The following SND1 variants were observed in gnomAD, a reference collection of about 807,000 sequenced individuals.
The protein encoded by SND1 is staphylococcal nuclease and tudor domain containing 1.
SND1 carries 38 observed loss-of-function variants against 121.7 expected under a neutral mutation model. That is an observed-to-expected ratio of 0.31 (90% CI 0.24 to 0.41). The LOEUF (loss-of-function observed/expected upper bound fraction) is 0.41. Among genes scored for constraint, SND1 ranks in the 10% least tolerant of loss-of-function variants. The pLI, the probability that SND1 is intolerant of heterozygous loss-of-function variation, is 1.00. For synonymous variants in SND1, 401 were observed against 447.4 expected (o/e 0.90, Z 1.31); for missense variants, 868 against 1,184.6 (o/e 0.73, Z 3.92).
intron 12 of SND1, among the ~76,000 whole-genome samples, chr7:127,881,853 A>G (rs931522997): frequency 3.6e-4 from 55 of 152,238 alleles, no homozygotes; most frequent in African/African-American, 1.3e-3. Flanking sequence ...GGCTCACTGT[A>G]GCCTTGATCT....
intron 16 of SND1, chr7:128,028,612 T>G: frequency 6.9e-7 from 1 of 1,451,862 alleles, no homozygotes; most frequent in East Asian, 2.3e-5. Flanking sequence ...CTCTCCCCAC[T>G]CTGTACAAAA....
intron 12 of SND1, among the ~76,000 whole-genome samples, chr7:127,846,193 T>C (rs577309232): frequency 1.3e-5 from 2 of 152,360 alleles, no homozygotes; most frequent in East Asian, 3.9e-4. Flanking sequence ...GTGCCAGAGA[T>C]AATGAACTTG....
At chr7:127,682,959 G>A (rs1181792338) in intron 1 of SND1, among the ~76,000 whole-genome samples, 2 of 152,194 alleles carry the variant, frequency 1.3e-5, no homozygotes, top group Non-Finnish European at 2.9e-5. Context: ...GGTGCCATAT[G>A]ACATATAAAT....
intron 12 of SND1, among the ~76,000 whole-genome samples, chr7:127,863,205 C>G (rs965382404): frequency 6.6e-6 from 1 of 152,114 alleles, no homozygotes; most frequent in East Asian, 1.9e-4. Flanking sequence ...TTCATTTTTT[C>G]CCCACAAAAC....
chr7:127,875,071 T>G (rs954350244), intron 12 of SND1, among the ~76,000 whole-genome samples: 9 of 152,138 alleles, frequency 5.9e-5, no homozygotes, highest in African/African-American at 1.9e-4. Context: ...ATTAAAAAAT[T>G]TCCTTGGTTT....
At chr7:127,970,135 C>T (rs1403171826) in intron 15 of SND1, among the ~76,000 whole-genome samples, 1 of 152,086 alleles carries the variant, frequency 6.6e-6, no homozygotes, top group Non-Finnish European at 1.5e-5. Flanking sequence ...ACAGCTATTT[C>T]CTATGTTTTT....
At chr7:127,895,559 C>T (rs752680459) in intron 13 of SND1, among the ~76,000 whole-genome samples, 3 of 151,968 alleles carry the variant, frequency 2.0e-5, no homozygotes, top group Admixed American at 6.6e-5. Context: ...GGATTCAGCA[C>T]GTGTCATTAT....
intron 13 of SND1, among the ~76,000 whole-genome samples, chr7:127,893,604 G>C (rs962497844): frequency 1.3e-5 from 2 of 152,128 alleles, no homozygotes; most frequent in South Asian, 4.1e-4. Flanking sequence ...GAACAACCTA[G>C]TGTCTGAGCA....
chr7:127,961,028 C>G (rs1203702155), intron 15 of SND1, among the ~76,000 whole-genome samples: 1 of 152,190 alleles, frequency 6.6e-6, no homozygotes, highest in Admixed American at 6.5e-5. Flanking sequence ...GCCTCAAACC[C>G]TAACAAAGTC....
chr7:128,022,204 C>CAAAAAA (rs58371490), intron 16 of SND1, among the ~76,000 whole-genome samples: 2 of 74,132 alleles, frequency 2.7e-5, no homozygotes, highest in Admixed American at 1.6e-4. Flanking sequence ...GACTCTCTCT[C>CAAAAAA]AAAAAAAAAA....
At chr7:127,857,676 T>C (rs1799306045) in intron 12 of SND1, among the ~76,000 whole-genome samples, 1 of 151,336 alleles carries the variant, frequency 6.6e-6, no homozygotes. Flanking sequence ...TGTGGAGAGG[T>C]TCCCTCGCTT....
chr7:127,880,804 AG>A (rs1799776350), intron 12 of SND1, among the ~76,000 whole-genome samples: 1 of 152,088 alleles, frequency 6.6e-6, no homozygotes, highest in Non-Finnish European at 1.5e-5. Context: ...GATACCCCAC[AG>A]GGTGACATTT....
At position 127,725,989 on chromosome 7, in the gene SND1, G is replaced by A. The variant is rs537209034; in HGVS notation, c.1152+4589G>A. ...CAACTCTACATTTGGAGGGTAGTAG[G>A]GCAAATTGTTTTTTTCTGTTTTGTA... is the stretch of plus-strand genomic sequence containing the variant. On this transcript the variant is annotated intron_variant, in intron 10 of 23. Coordinates refer to ENST00000354725, the MANE Select transcript of SND1 (RefSeq NM_014390.4). Among the ~76,000 whole-genome samples the A allele has an allele frequency of 3.3e-5, 5 of 151,958 alleles. No homozygotes were observed. In the South Asian group the frequency reaches 1.0e-3, roughly 32 times the overall value.
chr7:127,766,608 T>C (rs899479691), intron 10 of SND1, among the ~76,000 whole-genome samples: 2 of 151,516 alleles, frequency 1.3e-5, no homozygotes, highest in Admixed American at 6.6e-5. Flanking sequence ...ACCCCGTCTC[T>C]ACTAAAAATA....
intron 16 of SND1, chr7:128,030,853 C>T (rs993388337): frequency 5.5e-6 from 3 of 546,418 alleles, no homozygotes; most frequent in African/African-American, 3.8e-5. Flanking sequence ...AAGGCAAGCC[C>T]TCCGAAAGCT....
chr7:127,716,185 A>G (rs867478415), intron 9 of SND1, among the ~76,000 whole-genome samples: 2 of 152,112 alleles, frequency 1.3e-5, no homozygotes, highest in Admixed American at 1.3e-4. Context: ...TGTTTTGGCT[A>G]TTCAGGGTCT....
intron 10 of SND1, among the ~76,000 whole-genome samples, chr7:127,768,076 G>T (rs578126143): frequency 1.3e-5 from 2 of 152,136 alleles, no homozygotes; most frequent in Non-Finnish European, 1.5e-5. Flanking sequence ...TGAATATGCC[G>T]CAGCTCTTTA....
chr7:127,828,185 C>T (rs754504364), intron 11 of SND1, among the ~76,000 whole-genome samples: 11 of 151,694 alleles, frequency 7.3e-5, no homozygotes, highest in East Asian at 1.9e-4. Context: ...TTAGTAGAGA[C>T]GGGGTTTCAC....
At chr7:127,861,938 A>G (rs1429817452) in intron 12 of SND1, among the ~76,000 whole-genome samples, 4 of 152,200 alleles carry the variant, frequency 2.6e-5, no homozygotes, top group African/African-American at 9.7e-5. Context: ...ACTGTGCTTC[A>G]TCTTTAACAC....
Sources: gnomAD v4.1 joint callset for allele counts (sites outside exome capture counted in the v4.1 genomes callset) on GRCh38, gnomAD v4.1.1 for gene constraint, MANE v1.5 for transcripts, NCBI Gene and HGNC (gene_info 2026-07-23, HGNC 2026-07-21) for gene names.